The following PDE11A variants were observed in gnomAD, a reference collection of about 807,000 sequenced individuals.
The protein encoded by PDE11A is dual 3',5'-cyclic-AMP and -GMP phosphodiesterase 11A.
Under a neutral mutation model 100.5 loss-of-function variants are expected in PDE11A, and 100 were observed. The observed-to-expected ratio is 1.00, with a 90% confidence interval of 0.85 to 1.18. The LOEUF (loss-of-function observed/expected upper bound fraction) is 1.18. Ranked by LOEUF, PDE11A falls within the 50% of genes most tolerant of loss-of-function variation. PDE11A has a pLI of 0.00. For missense variants in PDE11A, 1,141 were observed against 1,152.6 expected, an observed-to-expected ratio of 0.99 and a Z score of 0.15; for synonymous variants, 381 against 420.8, an observed-to-expected ratio of 0.91 and a Z score of 1.16.
intron 5 of PDE11A, among the ~76,000 whole-genome samples, chr2:177,845,989 C>G (rs142963904): frequency 2.1e-4 from 31 of 149,056 alleles, no homozygotes; most frequent in African/African-American, 7.2e-4. Flanking sequence ...AGCTTCGGCT[C>G]GGCATGAGAG....
At chr2:177,687,554 C>G (rs962797326) in intron 15 of PDE11A, 6 of 152,306 alleles carry the variant, frequency 3.9e-5, no homozygotes, top group Admixed American at 3.9e-4. Context: ...TATTATACCA[C>G]TGTCTATTTA....
At chr2:177,973,024 C>G (rs1176004251) in intron 2 of PDE11A, among the ~76,000 whole-genome samples, 1 of 152,092 alleles carries the variant, frequency 6.6e-6, no homozygotes, top group Non-Finnish European at 1.5e-5. Flanking sequence ...ATCTGATAGC[C>G]CATTAGATAT....
At chr2:177,816,305 T>C (rs2083038675) in intron 9 of PDE11A, among the ~76,000 whole-genome samples, 1 of 152,158 alleles carries the variant, frequency 6.6e-6, no homozygotes, top group South Asian at 2.1e-4. Context: ...AGAACTGCTC[T>C]TTTGGAACTT....
intron 5 of PDE11A, among the ~76,000 whole-genome samples, chr2:177,870,999 G>A (rs2105687138): frequency 6.6e-6 from 1 of 152,208 alleles, no homozygotes; most frequent in East Asian, 1.9e-4. Context: ...CCTGCCTTGA[G>A]TGTACTGGTT....
chr2:177,792,459 C>T (rs1358285627), intron 9 of PDE11A, among the ~76,000 whole-genome samples: 1 of 152,110 alleles, frequency 6.6e-6, no homozygotes, highest in Non-Finnish European at 1.5e-5. Flanking sequence ...TCCTCTCCCC[C>T]CATGGTTTTT....
chr2:177,853,632 C>T (rs2083755255), intron 5 of PDE11A, among the ~76,000 whole-genome samples: 1 of 70,870 alleles, frequency 1.4e-5, no homozygotes, highest in African/African-American at 5.5e-5. Flanking sequence ...CCAACAAGTC[C>T]TGCATATATA....
intron 2 of PDE11A, among the ~76,000 whole-genome samples, chr2:177,932,095 C>G (rs1157559370): frequency 1.3e-5 from 2 of 152,060 alleles, no homozygotes. Context: ...AACACACAAT[C>G]TCTCAAGATT....
intron 1 of PDE11A, among the ~76,000 whole-genome samples, chr2:178,035,021 G>C (rs1054964553): frequency 5.3e-5 from 8 of 151,702 alleles, no homozygotes; most frequent in Non-Finnish European, 7.4e-5. Context: ...AAATAACTAA[G>C]ATCAGAGCAG....
chr2:177,739,795 A>C (rs1023303710), intron 10 of PDE11A, among the ~76,000 whole-genome samples: 1 of 152,204 alleles, frequency 6.6e-6, no homozygotes, highest in Non-Finnish European at 1.5e-5. Context: ...TAAATCCAGT[A>C]AATATTTATA....
intron 2 of PDE11A, among the ~76,000 whole-genome samples, chr2:177,980,216 T>C (rs2695743): frequency 0.52 from 78,541 of 149,976 alleles, 24,866 homozygotes; most frequent in African/African-American, 0.81. Flanking sequence ...ATCAAGTCTA[T>C]CCCGATATTC....
chr2:177,989,763 A>G (rs2085981214), intron 2 of PDE11A, among the ~76,000 whole-genome samples: 1 of 152,226 alleles, frequency 6.6e-6, no homozygotes, highest in Non-Finnish European at 1.5e-5. Flanking sequence ...CATGCCAGAA[A>G]GAGTGGATCA....
intron 9 of PDE11A, among the ~76,000 whole-genome samples, chr2:177,774,638 G>A (rs2082354616): frequency 6.6e-6 from 1 of 152,092 alleles, no homozygotes; most frequent in Non-Finnish European, 1.5e-5. Context: ...ACACTCTCAT[G>A]GCTTTATACA....
intron 2 of PDE11A, among the ~76,000 whole-genome samples, chr2:177,938,335 G>A (rs1340141217): frequency 1.3e-5 from 2 of 152,138 alleles, no homozygotes; most frequent in African/African-American, 4.8e-5. Flanking sequence ...AGATTCCAAA[G>A]GCTCTTCAAG....
chr2:177,931,269 T>G (rs1447189097), intron 2 of PDE11A, among the ~76,000 whole-genome samples: 5 of 152,222 alleles, frequency 3.3e-5, no homozygotes, highest in African/African-American at 1.2e-4. Context: ...ATAAAAAGTG[T>G]ACATATTTAT....
chr2:177,820,821 G>A (rs995774133), intron 6 of PDE11A, among the ~76,000 whole-genome samples: 10 of 149,132 alleles, frequency 6.7e-5, no homozygotes, highest in African/African-American at 2.5e-4. Flanking sequence ...TAAGATAGAG[G>A]TAGAGGTTTG....
chr2:178,068,438 C>A (rs1559061066), intron 1 of PDE11A, among the ~76,000 whole-genome samples: 1 of 151,906 alleles, frequency 6.6e-6, no homozygotes. Context: ...CTCTTCAATG[C>A]CTTTCTCTTG....
intron 2 of PDE11A, among the ~76,000 whole-genome samples, chr2:177,921,281 T>C (rs933295947): frequency 6.6e-6 from 1 of 151,692 alleles, no homozygotes; most frequent in Admixed American, 6.6e-5. Flanking sequence ...TTCCTATAGA[T>C]ATACAGAAAA....
intron 2 of PDE11A, chr2:177,921,673 A>G (rs1041416872): frequency 2.6e-5 from 4 of 152,128 alleles, no homozygotes; most frequent in Admixed American, 1.3e-4. Context: ...TTCACTATAC[A>G]TATTCTTCCA....
At chr2:177,946,205 C>T (rs2085426084) in intron 2 of PDE11A, among the ~76,000 whole-genome samples, 1 of 131,836 alleles carries the variant, frequency 7.6e-6, no homozygotes, top group African/African-American at 2.8e-5. Flanking sequence ...TCTGCCCGGC[C>T]AGCCGCCCCG....
Sources: gnomAD v4.1 joint callset for allele counts (sites outside exome capture counted in the v4.1 genomes callset) on GRCh38, gnomAD v4.1.1 for gene constraint, MANE v1.5 for transcripts, NCBI Gene and HGNC (gene_info 2026-07-23, HGNC 2026-07-21) for gene names.